Variants in WDR49 observed in about 807,000 individuals in gnomAD.
WDR49 encodes cilia- and flagella-associated protein 337.
In WDR49, 107 loss-of-function variants were observed where a neutral mutation model predicts 119.5. The ratio of observed to expected loss-of-function variants is 0.90; its 90% CI spans 0.77 to 1.05. WDR49 has a LOEUF of 1.05. Ranked by LOEUF, WDR49 falls within the 50% of genes least tolerant of loss-of-function variation. The probability of loss-of-function intolerance (pLI) is 0.00; values close to 1 mark genes in which losing one functional copy is unlikely to be tolerated. For missense variants in WDR49, 1,240 were observed against 1,220.5 expected (o/e 1.02, Z -0.24); for synonymous variants, 425 against 418.8 (o/e 1.01, Z -0.18).
chr3:167,497,515 C>T (rs1312701966), intron 18 of WDR49, among the ~76,000 whole-genome samples: 4 of 152,046 alleles, frequency 2.6e-5, no homozygotes, highest in African/African-American at 9.7e-5. Context: ...ACCTCTTTGC[C>T]CACACTTTTT....
intron 10 of WDR49, among the ~76,000 whole-genome samples, chr3:167,548,263 C>T (rs531592876): frequency 6.6e-6 from 1 of 152,106 alleles, no homozygotes; most frequent in African/African-American, 2.4e-5. Flanking sequence ...AAATAACTGA[C>T]ATTCTCCACT....
At position 167,594,826 on chromosome 3, in the gene WDR49, C is replaced by G. The variant is rs1336886362; in HGVS notation, c.1275+7301G>C. ...CTGGCACAAGACAGGGATGCCCTCT[C>G]TCACCACTCCTATTCAACATAGTGT... On this transcript the variant is annotated intron_variant, in intron 7 of 18. Coordinates refer to ENST00000682715, the MANE Select transcript of WDR49 (RefSeq NM_001366157.1). Among the ~76,000 whole-genome samples the G allele has an allele frequency of 2.0e-5, 3 of 149,828 alleles. No homozygotes were observed. In the Admixed American group the frequency reaches 2.0e-4, roughly 10 times the overall value.
chr3:167,607,295 A>G (rs1007256473), intron 5 of WDR49, among the ~76,000 whole-genome samples: 2 of 152,186 alleles, frequency 1.3e-5, no homozygotes, highest in Non-Finnish European at 2.9e-5. Flanking sequence ...GATGGGCAGG[A>G]GAAGGTCAGA....
At position 167,536,494 on chromosome 3, in the gene WDR49, C is replaced by T. The variant is rs1237696561; in HGVS notation, c.1954+376G>A. On this transcript the variant is annotated intron_variant, in intron 11 of 18. Coordinates refer to ENST00000682715, the MANE Select transcript of WDR49 (RefSeq NM_001366157.1). The stretch of plus-strand genomic sequence containing the variant: ...AGGAGTTTGAGATCAGCCTGGACAA[C>T]ATGGCAAAAACCCATCTCTACTAAA... Among the ~76,000 whole-genome samples the T allele has an allele frequency of 2.0e-5, 3 of 151,662 alleles. No homozygotes were observed. In the East Asian group the frequency reaches 5.8e-4, roughly 29 times the overall value.
At chr3:167,645,306 G>A (rs1366027746) in intron 2 of WDR49, among the ~76,000 whole-genome samples, 2 of 152,046 alleles carry the variant, frequency 1.3e-5, no homozygotes, top group African/African-American at 4.8e-5. Flanking sequence ...CACCTCCCGG[G>A]TTCAAGCAAT....
chr3:167,487,149 C>A (rs186852535), intron 18 of WDR49, among the ~76,000 whole-genome samples: 4 of 152,116 alleles, frequency 2.6e-5, no homozygotes, highest in African/African-American at 9.6e-5. Flanking sequence ...CCACAGTAAC[C>A]AAAACAGCAT....
intron 6 of WDR49, among the ~76,000 whole-genome samples, chr3:167,603,506 C>T (rs1388753331): frequency 6.6e-6 from 1 of 152,114 alleles, no homozygotes; most frequent in Non-Finnish European, 1.5e-5. Context: ...TTTATGGACA[C>T]AGCTCCTTAG....
At chr3:167,547,393 C>A (rs1712271789) in intron 10 of WDR49, among the ~76,000 whole-genome samples, 2 of 151,624 alleles carry the variant, frequency 1.3e-5, no homozygotes, top group South Asian at 4.2e-4. Flanking sequence ...ATGAAAGATT[C>A]TGTTTTTTTA....
Position 167,499,109 on chromosome 3 carries a change from AC to A in WDR49, c.3031+1043del, listed in dbSNP as rs776237295. On this transcript the variant is annotated intron_variant, in intron 18 of 18. Coordinates refer to ENST00000682715, the MANE Select transcript of WDR49 (RefSeq NM_001366157.1). ...GAAAATGTTTTTTAAAATAAAAAAA[AC>A]AAAACCTGATAATAATTAGACTGTA... Among the ~76,000 whole-genome samples the A allele has an allele frequency of 5.9e-5, 9 of 152,330 alleles. No individual in the cohort carries two copies. In the South Asian group the frequency reaches 6.2e-4, roughly 11 times the overall value.
chr3:167,564,050 T>C (rs888257513), intron 8 of WDR49, among the ~76,000 whole-genome samples: 4 of 152,234 alleles, frequency 2.6e-5, no homozygotes, highest in Non-Finnish European at 5.9e-5. Flanking sequence ...CTAACGTAGA[T>C]ACTCAATGAG....
intron 9 of WDR49, among the ~76,000 whole-genome samples, chr3:167,559,404 G>A (rs910509616): frequency 6.6e-6 from 1 of 152,120 alleles, no homozygotes. Flanking sequence ...ATTCACTGGT[G>A]GGCATGACTT....
intron 7 of WDR49, among the ~76,000 whole-genome samples, chr3:167,590,313 G>C (rs1165525567): frequency 6.6e-6 from 1 of 152,028 alleles, no homozygotes; most frequent in Non-Finnish European, 1.5e-5. Context: ...GTAGTATTTT[G>C]TTGAGGATTT....
At chr3:167,638,374 T>C (rs1196583535) in intron 2 of WDR49, among the ~76,000 whole-genome samples, 1 of 151,594 alleles carries the variant, frequency 6.6e-6, no homozygotes, top group Non-Finnish European at 1.5e-5. Context: ...TGATTTTTCT[T>C]TAATGTTCCA....
At position 167,478,697 on chromosome 3, in the gene WDR49, T is replaced by C. The variant is rs1437344750; in HGVS notation, c.*181A>G. ...TGTTGCTCCCACTTTAGTTCAATATTTATTTTATTAAGAATACAGAGAAAT... is the reference window on the plus strand; with the variant it reads ...TGTTGCTCCCACTTTAGTTCAATATCTATTTTATTAAGAATACAGAGAAAT... On this transcript the variant is annotated 3_prime_UTR_variant, in exon 19 of 19. Transcript: ENST00000682715. 3 of 393,308 alleles carry C rather than the reference T, an allele frequency of 7.6e-6. No individual in the cohort carries two copies. The highest frequency in any genetic ancestry group is 1.3e-5 in the Non-Finnish European group (3 of 224,438). 24.4% of individuals were successfully genotyped at this position (393,308 alleles called of 1,614,324 possible).
intron 18 of WDR49, among the ~76,000 whole-genome samples, chr3:167,497,132 C>T (rs1259364521): frequency 2.6e-5 from 4 of 152,124 alleles, no homozygotes; most frequent in Non-Finnish European, 4.4e-5. Context: ...CAGAATGAAT[C>T]GAACTTTTTT....
intron 7 of WDR49, among the ~76,000 whole-genome samples, chr3:167,585,391 C>CGTGTGTGT (rs59424091): frequency 5.8e-5 from 8 of 137,496 alleles, no homozygotes; most frequent in Admixed American, 7.4e-5. Context: ...TAAAAGGGTG[C>CGTGTGTGT]GTGTGTGTGT....
Position 167,531,201 on chromosome 3 carries a change from A to G in WDR49, c.2132T>C (p.Val711Ala), listed in dbSNP as rs1216094619. The change falls in exon 13 of 19, where the codon GTC becomes GCC. Residue 711 changes from valine (V) to alanine (A), a missense_variant. Val to Ala is a moderately conservative substitution (Grantham distance 64). Coordinates refer to ENST00000682715, the MANE Select transcript of WDR49 (RefSeq NM_001366157.1). ...HPMADHSTTG[V>A]RNFEIDTEGK... ...CTCAGTGTCAATCTCAAAGTTGCGG[A>G]CTCCCGTGGTAGAATGGTCTGCCAT... 2.5e-6 allele frequency: 4 copies of G among 1,611,566 alleles called. No individual in the cohort carries two copies. Among genetic ancestry groups the G allele is most frequent in the South Asian group, 2.2e-5 (2 of 90,944 alleles).
intron 2 of WDR49, among the ~76,000 whole-genome samples, chr3:167,647,348 T>C (rs924097144): frequency 1.7e-4 from 26 of 152,344 alleles, no homozygotes; most frequent in African/African-American, 4.8e-4. Flanking sequence ...AAGTGCCTGT[T>C]GTAAAAGTAC....
chr3:167,590,466 A>G (rs1715049209), intron 7 of WDR49, among the ~76,000 whole-genome samples: 1 of 152,022 alleles, frequency 6.6e-6, no homozygotes, highest in Non-Finnish European at 1.5e-5. Flanking sequence ...GAGTAGTTTG[A>G]GTAGGATTGG....
Sources: gnomAD v4.1 joint callset for allele counts (sites outside exome capture counted in the v4.1 genomes callset) on GRCh38, gnomAD v4.1.1 for gene constraint, MANE v1.5 for transcripts, NCBI Gene and HGNC (gene_info 2026-07-23, HGNC 2026-07-21) for gene names.